Variants in SMAD5 observed in about 807,000 individuals in gnomAD.
SMAD5 encodes the protein SMAD family member 5.
Under a neutral mutation model 43.1 loss-of-function variants are expected in SMAD5, and 9 were observed. The ratio of observed to expected loss-of-function variants is 0.21; its 90% CI spans 0.13 to 0.36. The LOEUF is 0.36. SMAD5 is among the 10% of genes least tolerant of loss of function. The probability of loss-of-function intolerance (pLI) is 1.00; values close to 1 mark genes in which losing one functional copy is unlikely to be tolerated. For synonymous variants in SMAD5, 190 were observed against 192.4 expected, an observed-to-expected ratio of 0.99 and a Z score of 0.10; for missense variants, 348 against 574.0, an observed-to-expected ratio of 0.61 and a Z score of 4.02.
chr5:136,174,534 C>G lies in SMAD5; in HGVS notation c.1156C>G (p.Gln386Glu), dbSNP rs1258464930. Reference sequence around the variant, plus strand: ...CTGCAGCCTCAAAATTTTTAACAATCAGGAGTTTGCTCAGCTTCTGGCTCA... The same window carrying G: ...CTGCAGCCTCAAAATTTTTAACAATGAGGAGTTTGCTCAGCTTCTGGCTCA... ...SSCSLKIFNN[Q>E]EFAQLLAQSV... The change falls in exon 7 of 8, where the codon CAG becomes GAG. Residue 386 changes from glutamine (Q) to glutamate (E), a missense_variant. This residue lies in a region of SMAD5 where 97 missense variants were observed against 211.8 expected (regional missense o/e 0.46). Coordinates refer to ENST00000545279, the MANE Select transcript of SMAD5 (RefSeq NM_005903.7). The G allele has an allele frequency of 1.9e-6, 3 of 1,613,694 alleles. No homozygotes were observed. The African/African-American group carries it at 4.0e-5, about 22-fold the overall frequency.
chr5:136,158,272 A>C (rs1241784337), intron 3 of SMAD5, among the ~76,000 whole-genome samples: 1 of 152,172 alleles, frequency 6.6e-6, no homozygotes, highest in African/African-American at 2.4e-5. Context: ...GATTAAAAAA[A>C]AGATTCTGAA....
chr5:136,173,992 G>A (rs1754315578), intron 6 of SMAD5, among the ~76,000 whole-genome samples: 5 of 151,140 alleles, frequency 3.3e-5, no homozygotes, highest in Admixed American at 3.3e-4. Flanking sequence ...GAGTGCAAAA[G>A]TCTGTCAAAT....
chr5:136,172,669 T>G lies in SMAD5; in HGVS notation c.997+14T>G. The G allele has an allele frequency of 6.8e-7, 1 of 1,479,682 alleles. No individual in the cohort carries two copies. The highest frequency in any genetic ancestry group is 9.5e-7 in the Non-Finnish European group (1 of 1,057,472). The allele number at this position is 1,479,682 out of a possible 1,614,324, so 91.7% of individuals were successfully genotyped here. On this transcript the variant is annotated intron_variant, in intron 6 of 7. Transcript: ENST00000545279. ...ATATTGGAAAAGGTAATCTTGTCAT[T>G]TTCCTACATTTAATCGAATTCAATC...
rs57433582 is a variant in SMAD5, at chr5:136,139,128, CTG to C, written c.-245+6196_-245+6197del. Among the ~76,000 whole-genome samples the C allele has an allele frequency of 3.3e-3, 464 of 140,104 alleles. 1 individual carries two copies. Among genetic ancestry groups the C allele is most frequent in the South Asian group, 0.016 (69 of 4,354 alleles). The allele number at this position is 140,104 out of a possible 152,430, so 91.9% of individuals were successfully genotyped here. A position where few individuals can be genotyped will look rare whatever the true frequency, so the allele number is the denominator to read the frequency against. ...CACTTTAGAAATCTAGCTGTGAGCT[CTG>C]TGTGTGTGTGTGTGTGTGTGTGTGT... On this transcript the variant is annotated intron_variant, in intron 1 of 7. Transcript: ENST00000545279.
chr5:136,149,644 A>G (rs974932146), intron 2 of SMAD5, among the ~76,000 whole-genome samples: 5 of 151,860 alleles, frequency 3.3e-5, no homozygotes, highest in African/African-American at 1.2e-4. Flanking sequence ...GGATCTGTTC[A>G]GATCTTTTGA....
chr5:136,159,426 CT>C (rs1392483459), intron 3 of SMAD5, among the ~76,000 whole-genome samples: 1 of 151,868 alleles, frequency 6.6e-6, no homozygotes, highest in African/African-American at 2.4e-5. Flanking sequence ...AATAGCATGT[CT>C]TTTTTTAAAC....
intron 1 of SMAD5, among the ~76,000 whole-genome samples, chr5:136,146,210 T>C (rs947099876): frequency 2.0e-5 from 3 of 151,888 alleles, no homozygotes; most frequent in Non-Finnish European, 1.5e-5. Context: ...ATTATGTATA[T>C]TTGTGTCTCA....
At chr5:136,158,291 A>G (rs1753708411) in intron 3 of SMAD5, among the ~76,000 whole-genome samples, 1 of 152,168 alleles carries the variant, frequency 6.6e-6, no homozygotes, top group South Asian at 2.1e-4. Context: ...AAAACTTTCC[A>G]GAAAAGAAAG....
Position 136,177,477 on chromosome 5 carries a change from A to G in SMAD5, c.1395A>G (p.Ser465=). 2 of 1,607,336 alleles carry G rather than the reference A, an allele frequency of 1.2e-6. No homozygotes were observed. Among genetic ancestry groups the G allele is most frequent in the Non-Finnish European group, 1.7e-6 (2 of 1,176,324 alleles). The change falls in exon 8 of 8, where the codon TCA becomes TCG. Residue 465 remains serine, a synonymous_variant. Coordinates refer to ENST00000545279, the MANE Select transcript of SMAD5 (RefSeq NM_005903.7). ...CTCTGAACCCCATATCTTCTGTTTC[A>G]TAATGCAGAAGTATTCTTTTCAATT... ...GSPLNPISSV[S]
chr5:136,163,103 G>A (rs1437925439), intron 4 of SMAD5, among the ~76,000 whole-genome samples, 169 bp from the exon 5 acceptor site: 4 of 152,122 alleles, frequency 2.6e-5, no homozygotes, highest in South Asian at 2.1e-4. Flanking sequence ...TTGCCATTAG[G>A]TGTGCTGTCT....
intron 7 of SMAD5, among the ~76,000 whole-genome samples, chr5:136,175,963 G>T (rs1754401779): frequency 6.6e-6 from 1 of 151,974 alleles, no homozygotes; most frequent in African/African-American, 2.4e-5. Flanking sequence ...GAAAATAAAA[G>T]TGAAAAATTT....
chr5:136,159,445 A>G (rs918492161), intron 3 of SMAD5, among the ~76,000 whole-genome samples: 1 of 152,192 alleles, frequency 6.6e-6, no homozygotes, highest in African/African-American at 2.4e-5. Flanking sequence ...AACTGTCCAC[A>G]TATTAACATT....
rs1295090168 is a variant in SMAD5 at position 136,178,284 on chromosome 5, T to C, written c.*804T>C. ...AACTATGTTTGCTGCTTTTGGACAATGTTGCAAGAACTCTATTTTTGACAT... is the reference window on the plus strand; with the variant it reads ...AACTATGTTTGCTGCTTTTGGACAACGTTGCAAGAACTCTATTTTTGACAT... On this transcript the variant is annotated 3_prime_UTR_variant, in exon 8 of 8. Transcript: ENST00000545279. 6.6e-6 allele frequency: 1 copy of C among 152,662 alleles called. No individual in the cohort carries two copies. The highest frequency in any genetic ancestry group is 1.5e-5 in the Non-Finnish European group (1 of 68,034). 9.5% of individuals were successfully genotyped at this position (152,662 alleles called of 1,614,324 possible). A position where few individuals can be genotyped will look rare whatever the true frequency, so the allele number is the denominator to read the frequency against.
intron 5 of SMAD5, among the ~76,000 whole-genome samples, chr5:136,168,312 T>C (rs183655227): frequency 6.6e-6 from 1 of 152,340 alleles, no homozygotes; most frequent in East Asian, 1.9e-4. Flanking sequence ...TTATATTGTG[T>C]ATAAACCTTT....
chr5:136,148,726 A>G (rs1213103382), intron 2 of SMAD5, among the ~76,000 whole-genome samples: 1 of 151,654 alleles, frequency 6.6e-6, no homozygotes, highest in Non-Finnish European at 1.5e-5. Flanking sequence ...CAAATCCTAG[A>G]TCCTACATTG....
chr5:136,144,144 C>G (rs1753184165), intron 1 of SMAD5, among the ~76,000 whole-genome samples: 1 of 152,054 alleles, frequency 6.6e-6, no homozygotes, highest in East Asian at 1.9e-4. Context: ...TCTCACCTAA[C>G]ACGAATTGTC....
At chr5:136,137,060 G>A (rs754435347) in intron 1 of SMAD5, among the ~76,000 whole-genome samples, 2 of 141,014 alleles carry the variant, frequency 1.4e-5, no homozygotes, top group African/African-American at 2.7e-5. Flanking sequence ...TAGGGGGGAT[G>A]TTTTTGGCCC....
At position 136,161,118 on chromosome 5, in the gene SMAD5, AT is replaced by A. The variant is rs753793298; in HGVS notation, c.655+15del. 1 of 1,590,634 alleles carries A rather than the reference AT, an allele frequency of 6.3e-7. No individual in the cohort carries two copies. The highest frequency in any genetic ancestry group is 8.5e-7 in the Non-Finnish European group (1 of 1,173,296). On this transcript the variant is annotated intron_variant, in intron 4 of 7. Transcript: ENST00000545279. Reference sequence around the variant, plus strand: ...CATTTCAGCTCCCAGGTAAGACTTTATTTTATTGATACCAAAAAAAAAAAAA... The same window carrying A: ...CATTTCAGCTCCCAGGTAAGACTTTATTTATTGATACCAAAAAAAAAAAAA...
In SMAD5 at chr5:136,146,857, G is replaced by A. The variant is rs114055526; in HGVS notation, c.-244-975G>A. 1.5e-3 allele frequency among the ~76,000 whole-genome samples: 225 copies of A among 151,768 alleles called. 3 individuals carry two copies. The highest frequency in any genetic ancestry group is 5.2e-3 in the African/African-American group (214 of 41,460). Reference sequence around the variant, plus strand: ...TTAAGAGAATAGATGAGTAAAATATGATTGCACCATTAAAGGCATTTAAAA... The same window carrying A: ...TTAAGAGAATAGATGAGTAAAATATAATTGCACCATTAAAGGCATTTAAAA... On this transcript the variant is annotated intron_variant, in intron 1 of 7. Transcript: ENST00000545279.
Sources: allele counts gnomAD v4.1 joint callset (sites outside exome capture counted in the v4.1 genomes callset), GRCh38; gene constraint gnomAD v4.1.1; regional missense constraint gnomAD v4.1.1; transcripts MANE v1.5; gene names NCBI Gene and HGNC (gene_info 2026-07-23, HGNC 2026-07-21).